The following OPCML variants were observed in gnomAD, a reference collection of about 807,000 sequenced individuals.
OPCML encodes opioid-binding protein/cell adhesion molecule.
In OPCML, 13 loss-of-function variants were observed where a neutral mutation model predicts 37.8. The ratio of observed to expected loss-of-function variants is 0.34; its 90% CI spans 0.22 to 0.55. The LOEUF is 0.55. Ranked by LOEUF, OPCML falls within the 20% of genes least tolerant of loss-of-function variation. The pLI is 0.91. For synonymous variants in OPCML, 176 were observed against 168.8 expected (o/e 1.04, Z -0.33); for missense variants, 341 against 435.6 (o/e 0.78, Z 1.93).
At chr11:133,107,799 A>C (rs1445482144) in intron 1 of OPCML, among the ~76,000 whole-genome samples, 2 of 152,214 alleles carry the variant, frequency 1.3e-5, no homozygotes, top group Non-Finnish European at 2.9e-5. Flanking sequence ...TGGAATCTAC[A>C]CAAATGTTCT....
intron 1 of OPCML, among the ~76,000 whole-genome samples, chr11:133,408,061 T>C (rs986878119): frequency 6.6e-6 from 1 of 152,210 alleles, no homozygotes; most frequent in African/African-American, 2.4e-5. Flanking sequence ...AAGCCGTGAC[T>C]TTAAGTGAAA....
chr11:133,339,829 G>A lies in OPCML; in HGVS notation c.61+192435C>T, dbSNP rs181371555. Among the ~76,000 whole-genome samples, 103 of 152,244 alleles carry A rather than the reference G, an allele frequency of 6.8e-4. 1 individual carries two copies. Among genetic ancestry groups the A allele is most frequent in the African/African-American group, 2.4e-3 (98 of 41,546 alleles). On this transcript the variant is annotated intron_variant, in intron 1 of 7. Coordinates refer to ENST00000524381, the MANE Select transcript of OPCML (RefSeq NM_001012393.5). ...AGTGTAATTTTATTTTGTAGCCCTC[G>A]TAGAATCTTGCCAATACTCAGAACA... is the stretch of plus-strand genomic sequence containing the variant.
chr11:133,525,190 C>T (rs888449189), intron 1 of OPCML, among the ~76,000 whole-genome samples: 4 of 152,182 alleles, frequency 2.6e-5, no homozygotes, highest in African/African-American at 4.8e-5. Context: ...AGGGAAGCCT[C>T]GCCTACTTTG....
At chr11:132,512,796 A>G (rs2096271752) in intron 4 of OPCML, among the ~76,000 whole-genome samples, 1 of 151,914 alleles carries the variant, frequency 6.6e-6, no homozygotes, top group Non-Finnish European at 1.5e-5. Flanking sequence ...AATATATAAC[A>G]GCAGAAAACA....
At chr11:132,574,884 G>A (rs7945022) in intron 3 of OPCML, among the ~76,000 whole-genome samples, 20,739 of 151,878 alleles carry the variant, frequency 0.14, 1,892 homozygotes, top group East Asian at 0.44. Flanking sequence ...TTGTACTGTT[G>A]TCTGTTTCTC....
rs1218067845 is a variant in OPCML, at chr11:133,141,000, C to CGAAGACGAAGACGAAGAA, written c.62-197991_62-197990insTTCTTCGTCTTCGTCTTC. Among the ~76,000 whole-genome samples, 4 of 4,406 alleles carry CGAAGACGAAGACGAAGAA rather than the reference C, an allele frequency of 9.1e-4. 2 individuals carry two copies. The highest frequency in any genetic ancestry group is 1.7e-3 in the African/African-American group (4 of 2,400). 2.9% of individuals were successfully genotyped at this position (4,406 alleles called of 152,430 possible). On this transcript the variant is annotated intron_variant, in intron 1 of 7. Coordinates refer to ENST00000524381, the MANE Select transcript of OPCML (RefSeq NM_001012393.5). ...AAGAAGAAGAAGAAGAAGAAGAAGA[C>CGAAGACGAAGACGAAGAA]GACGACGACGACGACGACGACGACG...
chr11:132,833,131 A>G (rs1416411730), intron 2 of OPCML, among the ~76,000 whole-genome samples: 3 of 135,178 alleles, frequency 2.2e-5, no homozygotes, highest in Non-Finnish European at 3.5e-5. Flanking sequence ...CGCATTATGT[A>G]ACTTTTAAAA....
intron 2 of OPCML, among the ~76,000 whole-genome samples, chr11:132,793,548 A>G (rs1938083696): frequency 6.6e-6 from 1 of 152,140 alleles, no homozygotes; most frequent in East Asian, 1.9e-4. Flanking sequence ...ATTAGCACCA[A>G]CTAGGGGGCC....
intron 4 of OPCML, among the ~76,000 whole-genome samples, chr11:132,492,580 C>T (rs2096219509): frequency 6.6e-6 from 1 of 151,864 alleles, no homozygotes; most frequent in African/African-American, 2.4e-5. Flanking sequence ...GAGAAGGGGC[C>T]AGGAAATTCA....
intron 1 of OPCML, among the ~76,000 whole-genome samples, chr11:133,469,075 G>T (rs2137001975): frequency 6.6e-6 from 1 of 152,250 alleles, no homozygotes; most frequent in African/African-American, 2.4e-5. Context: ...TCCCAATAGA[G>T]AATCAGATCT....
At chr11:132,946,553 GT>G (rs1382074167) in intron 1 of OPCML, among the ~76,000 whole-genome samples, 1 of 152,168 alleles carries the variant, frequency 6.6e-6, no homozygotes, top group Non-Finnish European at 1.5e-5. Context: ...AGGATGAGAA[GT>G]TTTTAGTTCC....
At chr11:133,308,568 T>C (rs937828203) in intron 1 of OPCML, among the ~76,000 whole-genome samples, 1 of 152,144 alleles carries the variant, frequency 6.6e-6, no homozygotes, top group African/African-American at 2.4e-5. Context: ...TAGATACAGC[T>C]GTGTTTCTGT....
intron 1 of OPCML, among the ~76,000 whole-genome samples, chr11:133,354,350 G>A (rs1944233892): frequency 7.5e-6 from 1 of 132,492 alleles, no homozygotes; most frequent in Non-Finnish European, 1.6e-5. Flanking sequence ...TGGTAGTGAT[G>A]GTGATGATGA....
At chr11:132,898,877 TTC>T (rs1301504296) in intron 2 of OPCML, among the ~76,000 whole-genome samples, 4 of 145,120 alleles carry the variant, frequency 2.8e-5, no homozygotes, top group Non-Finnish European at 6.0e-5. Flanking sequence ...GGCCTCATGC[TTC>T]TGAGTCAACT....
intron 2 of OPCML, among the ~76,000 whole-genome samples, chr11:132,722,823 A>G (rs1944723198): frequency 6.6e-6 from 1 of 152,186 alleles, no homozygotes; most frequent in African/African-American, 2.4e-5. Flanking sequence ...CGAAAGGTGA[A>G]GTTTTAACAC....
chr11:132,584,275 C>T (rs980826369), intron 3 of OPCML, among the ~76,000 whole-genome samples: 1 of 151,964 alleles, frequency 6.6e-6, no homozygotes, highest in African/African-American at 2.4e-5. Flanking sequence ...TGGAGGCAAT[C>T]AATTGATGCT....
intron 1 of OPCML, among the ~76,000 whole-genome samples, chr11:133,222,390 G>A (rs945038287): frequency 3.3e-5 from 5 of 152,164 alleles, no homozygotes; most frequent in African/African-American, 1.2e-4. Context: ...TCAGGCTTGG[G>A]GTCTGTTTTA....
At chr11:133,336,361 T>C (rs1943743553) in intron 1 of OPCML, among the ~76,000 whole-genome samples, 1 of 149,394 alleles carries the variant, frequency 6.7e-6, no homozygotes, top group Non-Finnish European at 1.5e-5. Context: ...ATTCCACTAA[T>C]GGGAAAAAAA....
At chr11:132,608,799 G>A (rs1372558871) in intron 3 of OPCML, among the ~76,000 whole-genome samples, 1 of 152,054 alleles carries the variant, frequency 6.6e-6, no homozygotes, top group African/African-American at 2.4e-5. Flanking sequence ...CCAAATAAAT[G>A]CACGCAATTA....
Sources: allele counts gnomAD v4.1 joint callset (sites outside exome capture counted in the v4.1 genomes callset), GRCh38; gene constraint gnomAD v4.1.1; transcripts MANE v1.5; gene names NCBI Gene and HGNC (gene_info 2026-07-23, HGNC 2026-07-21).